CACNA1E: variants seen among roughly 807,000 people sequenced by gnomAD.
The protein encoded by CACNA1E is calcium voltage-gated channel subunit alpha1 E, also known as voltage-dependent R-type calcium channel subunit alpha-1E.
In CACNA1E, 40 loss-of-function variants were observed where a neutral mutation model predicts 259.2. The ratio of observed to expected loss-of-function variants is 0.15; its 90% confidence interval spans 0.12 to 0.20. The LOEUF (loss-of-function observed/expected upper bound fraction) is 0.20, where lower values mean the gene tolerates loss of function less well. Among genes scored for constraint, CACNA1E ranks in the 10% least tolerant of loss-of-function variants. The probability of loss-of-function intolerance (pLI) is 1.00; values close to 1 mark genes in which losing one functional copy is unlikely to be tolerated. For synonymous variants in CACNA1E, 1,104 were observed against 1,138.5 expected, an observed-to-expected ratio of 0.97 and a Z score of 0.61; for missense variants, 1,874 against 3,040.1, an observed-to-expected ratio of 0.62 and a Z score of 9.02.
chr1:181,595,554 C>T (rs1420734055), intron 6 of CACNA1E, among the ~76,000 whole-genome samples: 1 of 152,198 alleles, frequency 6.6e-6, no homozygotes, highest in African/African-American at 2.4e-5. Flanking sequence ...TCCCGGGTCT[C>T]CCACTCTCCT....
chr1:181,438,620 T>C (rs527887039), intron 2 of CACNA1E, among the ~76,000 whole-genome samples: 1 of 152,120 alleles, frequency 6.6e-6, no homozygotes, highest in Non-Finnish European at 1.5e-5. Context: ...AATACAAATA[T>C]AAACAATTAG....
At chr1:181,687,854 G>T (rs1650738188) in intron 7 of CACNA1E, among the ~76,000 whole-genome samples, 1 of 151,872 alleles carries the variant, frequency 6.6e-6, no homozygotes, top group Admixed American at 6.6e-5. Flanking sequence ...GATTTAACTA[G>T]AATCACATAG....
At chr1:181,685,567 C>T (rs1021277744) in intron 7 of CACNA1E, among the ~76,000 whole-genome samples, 5 of 152,036 alleles carry the variant, frequency 3.3e-5, no homozygotes, top group Admixed American at 6.6e-5. Flanking sequence ...TTCAAATTGC[C>T]ATGTTTTGGC....
At chr1:181,771,805 C>T (rs1659543814) in intron 36 of CACNA1E, among the ~76,000 whole-genome samples, 2 of 152,124 alleles carry the variant, frequency 1.3e-5, no homozygotes, top group African/African-American at 4.8e-5. Flanking sequence ...CAGGTTTATG[C>T]TGGGTCTTAG....
chr1:181,549,985 G>A (rs73054069), intron 3 of CACNA1E, among the ~76,000 whole-genome samples: 1,542 of 152,222 alleles, frequency 0.01, 37 homozygotes, highest in African/African-American at 0.035. Flanking sequence ...TGGCTACATA[G>A]ACCTCCCAGC....
intron 2 of CACNA1E, among the ~76,000 whole-genome samples, chr1:181,447,128 A>C (rs1402591540): frequency 1.3e-5 from 2 of 152,246 alleles, no homozygotes; most frequent in Non-Finnish European, 2.9e-5. Context: ...TCAAATATCC[A>C]GAATATCAAG....
rs186365743 is a variant in CACNA1E, at chr1:181,657,529, A to G, written c.1055+6088A>G. ...CAGTTTTTCATTAGAAGTCTTTCAA[A>G]ATTATTTGACTTTTTAAATTCTACA... On this transcript the variant is annotated intron_variant, in intron 7 of 47. Transcript: ENST00000367573. 7.9e-5 allele frequency among the ~76,000 whole-genome samples: 12 copies of G among 152,292 alleles called. No individual in the cohort carries two copies. In the East Asian group the frequency reaches 2.3e-3, roughly 29 times the overall value.
chr1:181,369,544 G>A (rs1654531221), intron 1 of CACNA1E, among the ~76,000 whole-genome samples: 1 of 152,214 alleles, frequency 6.6e-6, no homozygotes, highest in South Asian at 2.1e-4. Flanking sequence ...CCTCAAAGGT[G>A]GGGACCGCAT....
chr1:181,367,146 A>G (rs1373566214), intron 1 of CACNA1E, among the ~76,000 whole-genome samples: 1 of 152,134 alleles, frequency 6.6e-6, no homozygotes, highest in East Asian at 1.9e-4. Flanking sequence ...TGCCACGCAA[A>G]AGAGTGTTGT....
At chr1:181,464,443 T>C (rs531147598) in intron 2 of CACNA1E, among the ~76,000 whole-genome samples, 1 of 151,996 alleles carries the variant, frequency 6.6e-6, no homozygotes, top group South Asian at 2.1e-4. Context: ...TTTAATTGGG[T>C]TTGTTTTTAG....
intron 1 of CACNA1E, among the ~76,000 whole-genome samples, chr1:181,508,554 G>A (rs905534873): frequency 3.3e-5 from 5 of 152,204 alleles, no homozygotes; most frequent in African/African-American, 1.2e-4. Context: ...GAAGGCTTAT[G>A]GGACACTGGG....
intron 1 of CACNA1E, among the ~76,000 whole-genome samples, chr1:181,358,141 G>A (rs973796830): frequency 1.3e-5 from 2 of 152,116 alleles, no homozygotes; most frequent in African/African-American, 2.4e-5. Flanking sequence ...ACACCAGGCC[G>A]GGTCCACAGC....
intron 6 of CACNA1E, among the ~76,000 whole-genome samples, chr1:181,599,850 C>A (rs1653566461): frequency 6.6e-6 from 1 of 152,130 alleles, no homozygotes; most frequent in African/African-American, 2.4e-5. Context: ...TTTTTTAATT[C>A]AACAAATATT....
At chr1:181,512,648 A>G (rs140213419) in intron 3 of CACNA1E, among the ~76,000 whole-genome samples, 1,589 of 152,296 alleles carry the variant, frequency 0.01, 17 homozygotes, top group African/African-American at 0.037. Context: ...TCTTTACACC[A>G]TTGGGATTAC....
At chr1:181,773,685 C>T (rs1659721437) in intron 37 of CACNA1E, among the ~76,000 whole-genome samples, 2 of 152,188 alleles carry the variant, frequency 1.3e-5, no homozygotes, top group African/African-American at 4.8e-5. Context: ...GGGGTGAAAC[C>T]AGCTCACAGC....
intron 3 of CACNA1E, among the ~76,000 whole-genome samples, chr1:181,574,769 G>A (rs892676101): frequency 6.6e-6 from 1 of 152,196 alleles, no homozygotes; most frequent in Non-Finnish European, 1.5e-5. Flanking sequence ...GCTCACACCT[G>A]TAATCCCAGC....
At chr1:181,399,275 T>C (rs527988392) in intron 1 of CACNA1E, among the ~76,000 whole-genome samples, 12 of 152,172 alleles carry the variant, frequency 7.9e-5, no homozygotes, top group South Asian at 4.1e-4. Flanking sequence ...ATGAAAAATC[T>C]TGTGGTCTTC....
intron 1 of CACNA1E, among the ~76,000 whole-genome samples, chr1:181,337,225 G>A (rs1157741334): frequency 6.7e-6 from 1 of 150,082 alleles, no homozygotes; most frequent in African/African-American, 2.5e-5. Context: ...GCATGATCTC[G>A]GCTCACTGCA....
intron 6 of CACNA1E, among the ~76,000 whole-genome samples, chr1:181,604,986 C>A (rs186983298): frequency 6.6e-6 from 1 of 152,230 alleles, no homozygotes; most frequent in Admixed American, 6.5e-5. Context: ...GGAGGAGGAA[C>A]GGGCAGTTAT....
Sources: allele counts gnomAD v4.1 joint callset (sites outside exome capture counted in the v4.1 genomes callset), GRCh38; gene constraint gnomAD v4.1.1; transcripts MANE v1.5; gene names NCBI Gene and HGNC (gene_info 2026-07-23, HGNC 2026-07-21).